Variants in ADGRF5 observed in about 807,000 individuals in gnomAD.
The protein encoded by ADGRF5 is G-protein coupled receptor 116.
A neutral mutation model predicts 132.3 loss-of-function variants in ADGRF5; 75 were observed. The observed-to-expected ratio is 0.57, with a 90% CI of 0.47 to 0.69. ADGRF5 has a LOEUF of 0.69. Ranked by LOEUF, ADGRF5 falls within the 30% of genes least tolerant of loss-of-function variation. ADGRF5 has a pLI of 0.00. For synonymous variants in ADGRF5, 629 were observed against 597.6 expected, an observed-to-expected ratio of 1.05 and a Z score of -0.77; for missense variants, 1,516 against 1,630.6, an observed-to-expected ratio of 0.93 and a Z score of 1.21.
chr6:46,880,183 C>G lies in ADGRF5; in HGVS notation c.815-144G>C, dbSNP rs752715775. On this transcript the variant is annotated intron_variant, in intron 8 of 20. Coordinates refer to ENST00000283296, the MANE Select transcript of ADGRF5 (RefSeq NM_001098518.2). ...CTGGCTGAGGCAATGTGTCTCCTCA[C>G]TCCATTCCCATGCAGCTGGTGTCTG... 7.8e-6 allele frequency: 5 copies of G among 640,768 alleles called. No individual in the cohort carries two copies. In the South Asian group the frequency reaches 9.3e-5, roughly 12 times the overall value. 39.7% of individuals were successfully genotyped at this position (640,768 alleles called of 1,614,324 possible). A position where few individuals can be genotyped will look rare whatever the true frequency, so the allele number is the denominator to read the frequency against.
intron 3 of ADGRF5, among the ~76,000 whole-genome samples, chr6:46,892,340 C>A (rs1317564655): frequency 6.6e-6 from 1 of 152,098 alleles, no homozygotes; most frequent in Non-Finnish European, 1.5e-5. Context: ...CTTTGATATA[C>A]AATTCCTAAA....
intron 6 of ADGRF5, among the ~76,000 whole-genome samples, chr6:46,882,533 C>A (rs112834739): frequency 1.3e-5 from 2 of 152,166 alleles, no homozygotes; most frequent in African/African-American, 4.8e-5. Context: ...TAGGGAGCAG[C>A]GGTGATGGTC....
intron 1 of ADGRF5, among the ~76,000 whole-genome samples, chr6:46,951,274 T>G (rs1392253167): frequency 6.6e-6 from 1 of 151,182 alleles, no homozygotes; most frequent in Non-Finnish European, 1.5e-5. Flanking sequence ...ATTCTAGAGG[T>G]GCAGGAGGCA....
chr6:46,907,891 T>C (rs1419666357), intron 1 of ADGRF5: 3 of 152,138 alleles, frequency 2.0e-5, no homozygotes, highest in African/African-American at 7.2e-5. Context: ...TCGAATGAGA[T>C]TAAAAGGCAT....
In ADGRF5 at chr6:46,863,070, C is replaced by A. The variant is rs201326559; in HGVS notation, c.2017G>T (p.Val673Leu). ...TTCCCCGGCTCTCCGACACCTATTA[C>A]GGGATCCTGGCATGTGATGTTTTCC... ...PGENITCQDP[V>L]IGVGEPGKVI... The change falls in exon 15 of 21, where the codon GTA (valine) becomes TTA (leucine). Residue 673 changes from valine (V) to leucine (L), a missense_variant. Physicochemically the swap from Val to Leu is conservative, Grantham distance 32. Coordinates refer to ENST00000283296, the MANE Select transcript of ADGRF5 (RefSeq NM_001098518.2). 1.9e-6 allele frequency: 3 copies of A among 1,613,642 alleles called. No individual in the cohort carries two copies. Among genetic ancestry groups the A allele is most frequent in the South Asian group, 2.2e-5 (2 of 91,062 alleles).
chr6:46,892,668 C>T (rs190433802), intron 3 of ADGRF5, among the ~76,000 whole-genome samples: 386 of 152,096 alleles, frequency 2.5e-3, no homozygotes, highest in African/African-American at 8.5e-3. Flanking sequence ...GAGAATCACA[C>T]GAACCCTGGA....
Position 46,938,221 on chromosome 6 carries a change from G to A in ADGRF5, c.-25+16513C>T, listed in dbSNP as rs540549495. Among the ~76,000 whole-genome samples the A allele has an allele frequency of 2.6e-5, 4 of 152,220 alleles. No homozygotes were observed. The East Asian group carries it at 5.8e-4, about 22-fold the overall frequency. On this transcript the variant is annotated intron_variant, in intron 1 of 20. Transcript: ENST00000265417. The stretch of plus-strand genomic sequence containing the variant: ...CTTTGCTAGAAGAATAACATTCCAG[G>A]TGCCTTCTACAGCAGTATCCTCCCT...
Position 46,858,864 on chromosome 6 carries a change from A to C in ADGRF5, c.3039T>G (p.Asp1013Glu). ...DPSSLLGILL[D>E]IISYVGVGFS... is the part of the protein sequence containing the mutation. ...AGCCCACCCCAACATAAGAAATAAT[A>C]TCCAGGAGTATTCCCAGGAGAGAAC... The change falls in exon 17 of 21, where the codon GAT (aspartate) becomes GAG (glutamate). Residue 1013 changes from aspartate to glutamate, a missense_variant. By Grantham distance (45) the Asp-to-Glu change is conservative (BLOSUM62 2). Around this residue, in one of 2 missense-constraint regions of ADGRF5, gnomAD observed 571 missense variants for 701.2 expected, o/e 0.81. Transcript: ENST00000283296. 6.2e-7 allele frequency: 1 copy of C among 1,614,042 alleles called. No homozygotes were observed.
At chr6:46,942,331 C>T (rs1778121666) in intron 1 of ADGRF5, among the ~76,000 whole-genome samples, 1 of 152,228 alleles carries the variant, frequency 6.6e-6, no homozygotes, top group Admixed American at 6.5e-5. Flanking sequence ...GTATCTGGCA[C>T]AGAGTAGTCA....
At chr6:46,864,524 TA>T (rs1440836779) in intron 14 of ADGRF5, among the ~76,000 whole-genome samples, 4 of 134,208 alleles carry the variant, frequency 3.0e-5, no homozygotes, top group Non-Finnish European at 6.1e-5. Flanking sequence ...TTACATGTAA[TA>T]ATTTTTTTTT....
intron 20 of ADGRF5, among the ~76,000 whole-genome samples, chr6:46,854,479 G>A (rs1768809341): frequency 6.6e-6 from 1 of 152,160 alleles, no homozygotes; most frequent in African/African-American, 2.4e-5. Context: ...ACTGAAGGTG[G>A]AGGTTTGTAA....
At chr6:46,877,263 CTTTCTTTCTTTCTTTCTTTCTT>C (rs1771814325) in intron 10 of ADGRF5, among the ~76,000 whole-genome samples, 1 of 38,220 alleles carries the variant, frequency 2.6e-5, no homozygotes. Context: ...TTCTTTCTTT[CTTTCTTTCTTTCTTTCTTTCTT>C]TCTTTCTCTC....
intron 1 of ADGRF5, among the ~76,000 whole-genome samples, chr6:46,929,132 C>G (rs1777408140): frequency 6.6e-6 from 1 of 152,114 alleles, no homozygotes; most frequent in South Asian, 2.1e-4. Flanking sequence ...GAAAATGTGG[C>G]ACATATACAC....
intron 3 of ADGRF5, among the ~76,000 whole-genome samples, chr6:46,896,611 C>T (rs901228463): frequency 1.3e-5 from 2 of 151,820 alleles, no homozygotes; most frequent in Non-Finnish European, 2.9e-5. Context: ...ATTAACATAA[C>T]CTTATTTAAT....
intron 11 of ADGRF5, among the ~76,000 whole-genome samples, chr6:46,871,171 C>A (rs1319106509): frequency 6.6e-6 from 1 of 152,038 alleles, no homozygotes; most frequent in East Asian, 1.9e-4. Flanking sequence ...CTAAATTGTT[C>A]ATTTTTGTAA....
chr6:46,910,716 A>G (rs891305179), intron 1 of ADGRF5, among the ~76,000 whole-genome samples: 13 of 152,142 alleles, frequency 8.5e-5, no homozygotes, highest in African/African-American at 3.1e-4. Flanking sequence ...CAAACAAACA[A>G]ACAAACAAAC....
At chr6:46,857,087 T>C (rs1769143493) in intron 17 of ADGRF5, among the ~76,000 whole-genome samples, 179 bp from the exon 18 acceptor site, 1 of 152,252 alleles carries the variant, frequency 6.6e-6, no homozygotes, top group South Asian at 2.1e-4. Context: ...ACCAAGGGAC[T>C]CTAAATGTTA....
intron 11 of ADGRF5, chr6:46,869,299 C>A: frequency 7.1e-7 from 1 of 1,411,936 alleles, no homozygotes; most frequent in Non-Finnish European, 9.2e-7. Context: ...TGGTGCTCTG[C>A]ACTGTACTCA....
At chr6:46,866,234 T>C (rs548606311) in intron 13 of ADGRF5, among the ~76,000 whole-genome samples, 2 of 152,284 alleles carry the variant, frequency 1.3e-5, no homozygotes, top group African/African-American at 4.8e-5. Context: ...ACTATATTTT[T>C]TGGGGGAAAC....
Sources: allele counts gnomAD v4.1 joint callset (sites outside exome capture counted in the v4.1 genomes callset), GRCh38; gene constraint gnomAD v4.1.1; regional missense constraint gnomAD v4.1.1; transcripts MANE v1.5; gene names NCBI Gene and HGNC (gene_info 2026-07-23, HGNC 2026-07-21).